SP1: variants seen among roughly 807,000 people sequenced by gnomAD.
SP1 encodes the protein Sp1 transcription factor.
In SP1, 6 loss-of-function variants were observed where a neutral mutation model predicts 66.3. That is an observed-to-expected ratio of 0.09 (90% CI 0.05 to 0.18). The LOEUF (loss-of-function observed/expected upper bound fraction) is 0.18, where lower values mean the gene tolerates loss of function less well. SP1 is among the 10% of genes least tolerant of loss of function. SP1 has a pLI of 1.00. For missense variants in SP1, 848 were observed against 964.5 expected (o/e 0.88, Z 1.60); for synonymous variants, 417 against 360.8 (o/e 1.16, Z -1.77).
At position 53,407,084 on chromosome 12, in the gene SP1, A is replaced by G. The variant is rs543211175; in HGVS notation, c.1844+331A>G. ...CGTGATCTGCCCGCCTCGGCCTCCT[A>G]AAGTGCTGGGATTACCAGCGTGAGC... On this transcript the variant is annotated intron_variant, in intron 4 of 5. Transcript: ENST00000327443. Among the ~76,000 whole-genome samples, 18 of 151,878 alleles carry G rather than the reference A, an allele frequency of 1.2e-4. No homozygotes were observed. The South Asian group carries it at 1.2e-3, about 11-fold the overall frequency.
chr12:53,407,199 TAGG>T (rs2136917496), intron 4 of SP1, among the ~76,000 whole-genome samples: 1 of 150,470 alleles, frequency 6.6e-6, no homozygotes, highest in South Asian at 2.1e-4. Context: ...GAGGCCAAGA[TAGG>T]AGGATCACTT....
At chr12:53,380,994 C>A (rs1244711102) in intron 1 of SP1, among the ~76,000 whole-genome samples, 1 of 141,654 alleles carries the variant, frequency 7.1e-6, no homozygotes, top group East Asian at 2.0e-4. Context: ...TCTTGTTACC[C>A]AGACTGGAAT....
chr12:53,386,903 T>G (rs1048448696), intron 3 of SP1, among the ~76,000 whole-genome samples: 1 of 151,602 alleles, frequency 6.6e-6, no homozygotes. Flanking sequence ...GAAAATAGTT[T>G]AATATCACCA....
chr12:53,391,346 C>CTCTTT (rs1938346177), intron 3 of SP1, among the ~76,000 whole-genome samples: 1 of 97,460 alleles, frequency 1.0e-5, no homozygotes, highest in Non-Finnish European at 2.0e-5. Flanking sequence ...TAAGTAATGT[C>CTCTTT]TTTTTTTTTT....
At chr12:53,408,129 C>T (rs1480136717) in intron 4 of SP1, among the ~76,000 whole-genome samples, 1 of 144,240 alleles carries the variant, frequency 6.9e-6, no homozygotes, top group Non-Finnish European at 1.5e-5. Flanking sequence ...GCCTGTAATC[C>T]CAGCTACTTG....
chr12:53,380,532 GC>G (rs1938060827), intron 1 of SP1: 2 of 587,800 alleles, frequency 3.4e-6, no homozygotes, highest in African/African-American at 2.0e-5. Context: ...GGCCTCGCCC[GC>G]CCCCTGCCCG....
At chr12:53,392,202 C>T (rs981803084) in intron 3 of SP1, among the ~76,000 whole-genome samples, 5 of 152,050 alleles carry the variant, frequency 3.3e-5, no homozygotes, top group African/African-American at 7.2e-5. Context: ...TTTTTTGAGA[C>T]GGAGTCACGC....
chr12:53,391,450 G>T (rs1338267873), intron 3 of SP1, among the ~76,000 whole-genome samples: 1 of 143,136 alleles, frequency 7.0e-6, no homozygotes, highest in African/African-American at 2.6e-5. Flanking sequence ...TCAGCCTCCC[G>T]AGTAGCTGGG....
chr12:53,386,357 G>T (rs1313470116), intron 3 of SP1, among the ~76,000 whole-genome samples: 1 of 152,082 alleles, frequency 6.6e-6, no homozygotes, highest in African/African-American at 2.4e-5. Context: ...GGGAAAAACA[G>T]TCTGGGAAGA....
chr12:53,409,221 TCAAAAAAA>T, intron 4 of SP1, 133 bp from the exon 5 acceptor site: 1 of 685,622 alleles, frequency 1.5e-6, no homozygotes, highest in Non-Finnish European at 2.4e-6. Context: ...TGAGACTCTC[TCAAAAAAA>T]CAAAAAAGAA....
At chr12:53,399,237 CTTTTTTG>C (rs1367631401) in intron 3 of SP1, among the ~76,000 whole-genome samples, 5 of 152,230 alleles carry the variant, frequency 3.3e-5, no homozygotes, top group Admixed American at 2.0e-4. Flanking sequence ...TTTGATTAAA[CTTTTTTG>C]TTTTTTGTTT....
Position 53,413,257 on chromosome 12 carries a change from G to A in SP1, c.*2017G>A, listed in dbSNP as rs1369369301. Reference sequence around the variant, plus strand: ...GCTAAATTAATTACAATTATGAATGGAGGATATTCTACTGTACTTTTTTAA... The same window carrying A: ...GCTAAATTAATTACAATTATGAATGAAGGATATTCTACTGTACTTTTTTAA... On this transcript the variant is annotated 3_prime_UTR_variant, in exon 6 of 6. Transcript: ENST00000327443. 6.6e-6 allele frequency: 1 copy of A among 152,298 alleles called. No individual in the cohort carries two copies. Among genetic ancestry groups the A allele is most frequent in the African/African-American group, 2.4e-5 (1 of 41,426 alleles). 9.4% of individuals were successfully genotyped at this position (152,298 alleles called of 1,614,324 possible).
intron 3 of SP1, among the ~76,000 whole-genome samples, chr12:53,392,787 G>T (rs1300737217): frequency 6.6e-6 from 1 of 151,958 alleles, no homozygotes. Context: ...GAGCCACCAT[G>T]CCTGGCCTAG....
intron 3 of SP1, among the ~76,000 whole-genome samples, chr12:53,388,992 T>A (rs1207797098): frequency 7.5e-6 from 1 of 132,614 alleles, no homozygotes; most frequent in Non-Finnish European, 1.7e-5. Context: ...AAAAAAAGTA[T>A]CTAATTTTAC....
rs774812423 is a variant in SP1 at position 53,381,812 on chromosome 12, A to G, written c.161A>G (p.Gln54Arg). ...AGCAGCAGCACTGGAGGAGGAGGGC[A>G]GGTAAGTGATAATCATAGAGTGGGG... Reference protein sequence around the residue: ...GSSSSTGGGGQESQPSPLALL... With the variant: ...GSSSSTGGGGRESQPSPLALL... The change falls in exon 2 of 6, where the codon CAG becomes CGG. Residue 54 changes from glutamine to arginine, a missense_variant and splice_region_variant. This residue lies in a region of SP1 where 84 missense variants were observed against 73.9 expected (regional missense o/e 1.14). Coordinates refer to ENST00000327443, the MANE Select transcript of SP1 (RefSeq NM_138473.3). 58 of 1,611,436 alleles carry G rather than the reference A, an allele frequency of 3.6e-5. No individual in the cohort carries two copies. The highest frequency in any genetic ancestry group is 4.9e-5 in the Non-Finnish European group (58 of 1,179,270).
Position 53,393,511 on chromosome 12 carries a change from G to C in SP1, c.1675+9889G>C, listed in dbSNP as rs538007422. 7.3e-5 allele frequency among the ~76,000 whole-genome samples: 11 copies of C among 151,554 alleles called. No homozygotes were observed. The East Asian group carries it at 2.1e-3, about 29-fold the overall frequency. ...TTTTTCAGGCTGGTGTCGAACTCCT[G>C]ACCTCAGGTGATCTGCTCACCTCAG... On this transcript the variant is annotated intron_variant, in intron 3 of 5. Transcript: ENST00000327443.
chr12:53,381,872 T>G, intron 2 of SP1, 59 bp downstream of exon 2: 2 of 1,554,378 alleles, frequency 1.3e-6, no homozygotes, highest in Non-Finnish European at 1.7e-6. Flanking sequence ...TCTTAGATAA[T>G]TGCCTTACTC....
Position 53,380,275 on chromosome 12 carries a change from G to T in SP1, c.-17G>T. 7.1e-7 allele frequency: 1 copy of T among 1,405,994 alleles called. No individual in the cohort carries two copies. The highest frequency in any genetic ancestry group is 9.9e-7 in the Non-Finnish European group (1 of 1,006,034). 87.1% of individuals were successfully genotyped at this position (1,405,994 alleles called of 1,614,324 possible). The stretch of plus-strand genomic sequence containing the variant: ...CCCCGGACAGGACCCCCTTGAGCTT[G>T]TCCCTCAGCTGCCACCATGAGCGGT... On this transcript the variant is annotated 5_prime_UTR_variant, in exon 1 of 6. Transcript: ENST00000327443.
rs1362951765 is a variant in SP1 at position 53,412,766 on chromosome 12, C to T, written c.*1526C>T. 1 of 152,588 alleles carries T rather than the reference C, an allele frequency of 6.6e-6. No individual in the cohort carries two copies. Among genetic ancestry groups the T allele is most frequent in the Non-Finnish European group, 1.5e-5 (1 of 68,046 alleles). 9.5% of individuals were successfully genotyped at this position (152,588 alleles called of 1,614,324 possible). ...CTCTGTGACCTGATTTCAGAAGAGACTGATCCAAAAATTATAACGGCAGGG... is the reference window on the plus strand; with the variant it reads ...CTCTGTGACCTGATTTCAGAAGAGATTGATCCAAAAATTATAACGGCAGGG... On this transcript the variant is annotated 3_prime_UTR_variant, in exon 6 of 6. Transcript: ENST00000327443.
Sources: gnomAD v4.1 joint callset for allele counts (sites outside exome capture counted in the v4.1 genomes callset) on GRCh38, gnomAD v4.1.1 for gene constraint, gnomAD v4.1.1 regional missense constraint, MANE v1.5 for transcripts, NCBI Gene and HGNC (gene_info 2026-07-23, HGNC 2026-07-21) for gene names.